The following ITGA8 variants were observed in gnomAD, a reference collection of about 807,000 sequenced individuals.
The protein encoded by ITGA8 is integrin alpha-8.
ITGA8 carries 91 observed loss-of-function variants against 142.3 expected under a neutral mutation model. The observed-to-expected ratio is 0.64, with a 90% confidence interval of 0.54 to 0.76. The LOEUF (loss-of-function observed/expected upper bound fraction) is 0.76, where lower values mean the gene tolerates loss of function less well. Ranked by LOEUF, ITGA8 falls within the 30% of genes least tolerant of loss-of-function variation. The pLI, the probability that ITGA8 is intolerant of heterozygous loss-of-function variation, is 0.00. For synonymous variants in ITGA8, 505 were observed against 485.2 expected, an observed-to-expected ratio of 1.04 and a Z score of -0.54; for missense variants, 1,406 against 1,327.7, an observed-to-expected ratio of 1.06 and a Z score of -0.92.
chr10:15,583,352 CG>C, intron 23 of ITGA8, among the ~76,000 whole-genome samples: 1 of 151,872 alleles, frequency 6.6e-6, no homozygotes, highest in Non-Finnish European at 1.5e-5. Context: ...CATCACACAG[CG>C]GGGCCTACTG....
At chr10:15,657,178 G>T (rs562250387) in intron 10 of ITGA8, among the ~76,000 whole-genome samples, 2 of 152,242 alleles carry the variant, frequency 1.3e-5, no homozygotes, top group South Asian at 2.1e-4. Context: ...ATTGAGGAGA[G>T]GAAGTTATAG....
chr10:15,648,896 C>T (rs1834035809), intron 11 of ITGA8, among the ~76,000 whole-genome samples: 1 of 152,164 alleles, frequency 6.6e-6, no homozygotes, highest in Non-Finnish European at 1.5e-5. Flanking sequence ...TAATAACTTA[C>T]AAATGAGGTT....
At chr10:15,666,495 T>C (rs566303142) in intron 8 of ITGA8, among the ~76,000 whole-genome samples, 5 of 152,286 alleles carry the variant, frequency 3.3e-5, no homozygotes, top group African/African-American at 9.6e-5. Context: ...CTTTTCCTAA[T>C]TGAATACTCT....
intron 20 of ITGA8, among the ~76,000 whole-genome samples, chr10:15,598,050 C>T (rs1455521667): frequency 6.6e-6 from 1 of 152,098 alleles, no homozygotes; most frequent in Non-Finnish European, 1.5e-5. Context: ...TGCTCAGAAA[C>T]CCACCCCTCA....
intron 26 of ITGA8, among the ~76,000 whole-genome samples, chr10:15,555,284 G>C (rs1833867572): frequency 6.6e-6 from 1 of 152,162 alleles, no homozygotes; most frequent in Non-Finnish European, 1.5e-5. Flanking sequence ...AGAACACATA[G>C]AAGGGCACAC....
chr10:15,703,949 A>T (rs1404817296), intron 2 of ITGA8, among the ~76,000 whole-genome samples: 1 of 152,168 alleles, frequency 6.6e-6, no homozygotes, highest in East Asian at 1.9e-4. Context: ...ACCAGATTAG[A>T]ACTGCCAGGC....
chr10:15,534,180 C>A (rs1000213577), intron 27 of ITGA8, among the ~76,000 whole-genome samples: 5 of 152,050 alleles, frequency 3.3e-5, no homozygotes, highest in Non-Finnish European at 7.4e-5. Context: ...AAAGTGCTGG[C>A]ATCACAGGCG....
At chr10:15,680,029 G>A (rs764778639) in intron 4 of ITGA8, among the ~76,000 whole-genome samples, 8 of 152,116 alleles carry the variant, frequency 5.3e-5, no homozygotes, top group Non-Finnish European at 7.3e-5. Context: ...ACTGAAATAA[G>A]AGAACAGGAA....
At chr10:15,517,336 T>A in intron 29 of ITGA8, 92 bp from the exon 30 acceptor site, 2 of 822,428 alleles carry the variant, frequency 2.4e-6, no homozygotes, top group Non-Finnish European at 1.9e-6. Context: ...GTATTTTTTT[T>A]TTTTTAAACT....
chr10:15,578,157 CA>C (rs2131585445), intron 23 of ITGA8, among the ~76,000 whole-genome samples: 1 of 152,222 alleles, frequency 6.6e-6, no homozygotes, highest in South Asian at 2.1e-4. Context: ...TCCCCTTTTA[CA>C]GGAACGTCCA....
chr10:15,644,452 AT>A (rs1833933629), intron 12 of ITGA8, among the ~76,000 whole-genome samples: 1 of 3,470 alleles, frequency 2.9e-4, no homozygotes, highest in Non-Finnish European at 1.2e-3. Context: ...ATATATATAT[AT>A]ATATATATAT....
At chr10:15,610,791 TAGC>T (rs1833279998) in intron 15 of ITGA8, among the ~76,000 whole-genome samples, 1 of 152,216 alleles carries the variant, frequency 6.6e-6, no homozygotes, top group African/African-American at 2.4e-5. Context: ...TGATAGCAAA[TAGC>T]AGGTTTCACA....
rs1271907093 is a variant in ITGA8 at position 15,516,006 on chromosome 10, T to G, written c.*1152A>C. 1 of 152,224 alleles carries G rather than the reference T, an allele frequency of 6.6e-6. No individual in the cohort carries two copies. Among genetic ancestry groups the G allele is most frequent in the Non-Finnish European group, 1.5e-5 (1 of 68,028 alleles). The allele number at this position is 152,224 out of a possible 1,614,324, so 9.4% of individuals were successfully genotyped here. A position where few individuals can be genotyped will look rare whatever the true frequency, so the allele number is the denominator to read the frequency against. On this transcript the variant is annotated 3_prime_UTR_variant, in exon 30 of 30. Coordinates refer to ENST00000378076, the MANE Select transcript of ITGA8 (RefSeq NM_003638.3). Reference sequence around the variant, plus strand: ...TTTGGCTCATGCCTGTATAATTTTATGTTTTTGTCTAAGTTATATTCAACA... The same window carrying G: ...TTTGGCTCATGCCTGTATAATTTTAGGTTTTTGTCTAAGTTATATTCAACA...
At chr10:15,656,339 CA>C (rs1834184269) in intron 10 of ITGA8, among the ~76,000 whole-genome samples, 1 of 151,952 alleles carries the variant, frequency 6.6e-6, no homozygotes, top group Non-Finnish European at 1.5e-5. Flanking sequence ...CACAGTGTAC[CA>C]TAGTCTCCCC....
rs145382851 is a variant in ITGA8, at chr10:15,696,477, G to A, written c.344-8439C>T. On this transcript the variant is annotated intron_variant, in intron 2 of 29. Transcript: ENST00000378076. ...CTAAGGATCCGAACAGGCATTACAG[G>A]TAAAAATAAATTAGCCTGAAAATTC... Among the ~76,000 whole-genome samples the A allele has an allele frequency of 3.3e-4, 50 of 152,240 alleles. No homozygotes were observed. In the East Asian group the frequency reaches 7.3e-3, roughly 22 times the overall value.
At chr10:15,567,177 TAGAAAA>T (rs1287277513) in intron 25 of ITGA8, among the ~76,000 whole-genome samples, 1 of 149,176 alleles carries the variant, frequency 6.7e-6, no homozygotes, top group East Asian at 2.0e-4. Context: ...AAGAAAAAAA[TAGAAAA>T]AGAAAAATCC....
At position 15,672,692 on chromosome 10, in the gene ITGA8, A is replaced by G; in HGVS notation, c.734T>C (p.Ile245Thr). The G allele has an allele frequency of 6.2e-7, 1 of 1,613,756 alleles. No homozygotes were observed. Among genetic ancestry groups the G allele is most frequent in the Non-Finnish European group, 8.5e-7 (1 of 1,179,848 alleles). Residue 245 changes from isoleucine (I) to threonine (T), a missense_variant, in exon 7 of 30, where the codon ATC (isoleucine) becomes ACC (threonine). Coordinates refer to ENST00000378076, the MANE Select transcript of ITGA8 (RefSeq NM_003638.3). The stretch of plus-strand genomic sequence containing the variant: ...CTTTTCTCCTGCCAGTTTCCTGAGG[A>G]TATCCTTGAATGAGTAATTTGCAAT... Reference protein sequence around the residue: ...DIIANYSFKDILRKLAGEKQT... With the variant: ...DIIANYSFKDTLRKLAGEKQT...
At chr10:15,565,650 C>T (rs927106660) in intron 25 of ITGA8, among the ~76,000 whole-genome samples, 4 of 116,182 alleles carry the variant, frequency 3.4e-5, no homozygotes, top group Non-Finnish European at 6.5e-5. Context: ...AGTGTAGTGA[C>T]GTGATCTCAG....
intron 2 of ITGA8, among the ~76,000 whole-genome samples, chr10:15,693,317 G>A (rs1834968669): frequency 6.6e-6 from 1 of 152,002 alleles, no homozygotes; most frequent in Non-Finnish European, 1.5e-5. Context: ...TTTTATTCCT[G>A]TTAAGTGAGG....
Sources: gnomAD v4.1 joint callset for allele counts (sites outside exome capture counted in the v4.1 genomes callset) on GRCh38, gnomAD v4.1.1 for gene constraint, MANE v1.5 for transcripts, NCBI Gene and HGNC (gene_info 2026-07-23, HGNC 2026-07-21) for gene names.